The following PLEKHG1 variants were observed in gnomAD, a reference collection of about 807,000 sequenced individuals.
The protein encoded by PLEKHG1 is pleckstrin homology and RhoGEF domain containing G1.
Under a neutral mutation model 100.8 loss-of-function variants are expected in PLEKHG1, and 44 were observed. The ratio of observed to expected loss-of-function variants is 0.44; its 90% CI spans 0.34 to 0.56. The LOEUF is 0.56. PLEKHG1 is among the 20% of genes least tolerant of loss of function. PLEKHG1 has a pLI of 0.01. For missense variants in PLEKHG1, 1,545 were observed against 1,720.9 expected (o/e 0.90, Z 1.81); for synonymous variants, 640 against 662.5 (o/e 0.97, Z 0.52).
At chr6:150,756,963 AAAG>A (rs1783874288) in intron 2 of PLEKHG1, among the ~76,000 whole-genome samples, 2 of 152,174 alleles carry the variant, frequency 1.3e-5, no homozygotes, top group Non-Finnish European at 2.9e-5. Context: ...ATGTTTAAGT[AAAG>A]TATATGATAA....
chr6:150,715,089 A>G (rs1403642112), intron 3 of PLEKHG1, among the ~76,000 whole-genome samples: 1 of 152,160 alleles, frequency 6.6e-6, no homozygotes, highest in East Asian at 1.9e-4. Flanking sequence ...ATGAGCCACC[A>G]TGCCTGGCCT....
intron 4 of PLEKHG1, among the ~76,000 whole-genome samples, chr6:150,791,162 C>T (rs1785955637): frequency 6.6e-6 from 1 of 152,242 alleles, no homozygotes; most frequent in Admixed American, 6.5e-5. Context: ...AATGCAGATT[C>T]CTAGGCCCTA....
chr6:150,819,921 C>T, intron 12 of PLEKHG1, 147 bp downstream of exon 13: 1 of 616,510 alleles, frequency 1.6e-6, no homozygotes, highest in Non-Finnish European at 2.9e-6. Flanking sequence ...AGATGGGACT[C>T]ATGAGCTTTT....
At chr6:150,820,851 G>A (rs1776254854) in intron 12 of PLEKHG1, among the ~76,000 whole-genome samples, 1 of 152,154 alleles carries the variant, frequency 6.6e-6, no homozygotes. Flanking sequence ...GGAGACAAGA[G>A]TGAATCTCAG....
chr6:150,643,745 A>G (rs1778367706), intron 2 of PLEKHG1, among the ~76,000 whole-genome samples: 1 of 152,182 alleles, frequency 6.6e-6, no homozygotes, highest in African/African-American at 2.4e-5. Flanking sequence ...GGCTCATACC[A>G]GGCATTCACT....
In PLEKHG1 at chr6:150,727,604, C is replaced by CAAA. The variant is rs59430978; in HGVS notation, c.-98-5971_-98-5969dup. On this transcript the variant is annotated intron_variant, in intron 1 of 15. Transcript: ENST00000358517. ...TCTTTTCCTTTTATTAAGGATGGCA[C>CAAA]AAAAAAAAAAAGAATATTTTATTTG... Among the ~76,000 whole-genome samples the CAAA allele has an allele frequency of 3.8e-3, 549 of 144,438 alleles. 4 individuals are homozygous for CAAA. Among genetic ancestry groups the CAAA allele is most frequent in the African/African-American group, 0.013 (517 of 39,774 alleles). 94.8% of individuals were successfully genotyped at this position (144,438 alleles called of 152,430 possible).
intron 3 of PLEKHG1, among the ~76,000 whole-genome samples, chr6:150,687,296 C>T (rs958340833): frequency 2.0e-5 from 3 of 152,050 alleles, no homozygotes; most frequent in Non-Finnish European, 4.4e-5. Context: ...TTTGTGTTTG[C>T]CTAGTAGGAT....
At chr6:150,827,299 TA>T (rs1453607977) in intron 14 of PLEKHG1, among the ~76,000 whole-genome samples, 1 of 149,336 alleles carries the variant, frequency 6.7e-6, no homozygotes, top group African/African-American at 2.5e-5. Flanking sequence ...TTTTTTGAGA[TA>T]GAGTTTCGCT....
In PLEKHG1 at chr6:150,804,687, C is replaced by T. The variant is rs145856338; in HGVS notation, c.858C>T (p.Val286=). 9.8e-5 allele frequency: 158 copies of T among 1,613,634 alleles called. No individual in the cohort carries two copies. The African/African-American group carries it at 1.9e-3, about 19-fold the overall frequency. The change falls in exon 7 of 16, where the codon GTC becomes GTT. Residue 286 remains valine, a synonymous_variant. Transcript: ENST00000358517. ...ATGCTATAGACACAATGCAGCGAGT[C>T]GCCTGGCATATCAATGACATGAAGC...
intron 3 of PLEKHG1, among the ~76,000 whole-genome samples, chr6:150,673,417 G>C (rs1779640223): frequency 6.6e-6 from 1 of 152,188 alleles, no homozygotes; most frequent in Non-Finnish European, 1.5e-5. Flanking sequence ...GATCTTGGTA[G>C]ACAAAGTTCA....
chr6:150,682,331 CTG>C, intron 3 of PLEKHG1, among the ~76,000 whole-genome samples: 1 of 152,284 alleles, frequency 6.6e-6, no homozygotes, highest in East Asian at 1.9e-4. Flanking sequence ...GCACAAAACA[CTG>C]TGCTGCGAGT....
At chr6:150,672,150 G>A (rs761882614) in intron 3 of PLEKHG1, among the ~76,000 whole-genome samples, 4 of 152,086 alleles carry the variant, frequency 2.6e-5, no homozygotes, top group Non-Finnish European at 5.9e-5. Flanking sequence ...ATATGCAGAT[G>A]TTATCAAAGA....
At chr6:150,639,916 T>C (rs1174097350) in intron 2 of PLEKHG1, among the ~76,000 whole-genome samples, 4 of 152,144 alleles carry the variant, frequency 2.6e-5, no homozygotes, top group Admixed American at 1.3e-4. Context: ...TTATAAAGAG[T>C]CCTTTTAGGG....
chr6:150,702,557 G>GGTGTGTGTGTGT (rs56768740), intron 3 of PLEKHG1, among the ~76,000 whole-genome samples: 2,300 of 142,880 alleles, frequency 0.016, 49 homozygotes, highest in South Asian at 0.062. Context: ...TTTGTTTTGG[G>GGTGTGTGTGTGT]GTGTGTGTGT....
chr6:150,673,348 G>A (rs978149155), intron 3 of PLEKHG1, among the ~76,000 whole-genome samples: 1 of 152,206 alleles, frequency 6.6e-6, no homozygotes, highest in African/African-American at 2.4e-5. Context: ...CCTCTGCAGA[G>A]CCATAGCTAA....
chr6:150,824,564 C>T (rs1776481718), intron 14 of PLEKHG1, among the ~76,000 whole-genome samples: 1 of 151,758 alleles, frequency 6.6e-6, no homozygotes, highest in Admixed American at 6.6e-5. Context: ...CTCTGTTGCC[C>T]AGGCTGGAGT....
chr6:150,658,048 A>G (rs1562415962), intron 3 of PLEKHG1, among the ~76,000 whole-genome samples: 2 of 152,226 alleles, frequency 1.3e-5, no homozygotes, highest in Non-Finnish European at 2.9e-5. Context: ...GTCAAAGCCT[A>G]CATTCATGTT....
intron 1 of PLEKHG1, among the ~76,000 whole-genome samples, chr6:150,636,734 G>A (rs184413491): frequency 1.2e-3 from 185 of 152,218 alleles, no homozygotes; most frequent in African/African-American, 4.1e-3. Context: ...TAGATACCTT[G>A]TGAATAAGAG....
At chr6:150,644,334 G>GGTTTTTTT (rs1554255840) in intron 2 of PLEKHG1, among the ~76,000 whole-genome samples, 7 of 117,602 alleles carry the variant, frequency 6.0e-5, no homozygotes, top group South Asian at 2.9e-4. Flanking sequence ...TTCTTTTCGT[G>GGTTTTTTT]TTTTTTTTTT....
Sources: allele counts gnomAD v4.1 joint callset (sites outside exome capture counted in the v4.1 genomes callset), GRCh38; gene constraint gnomAD v4.1.1; transcripts MANE v1.5; gene names NCBI Gene and HGNC (gene_info 2026-07-23, HGNC 2026-07-21).